The following SORBS2 variants were observed in gnomAD, a reference collection of about 807,000 sequenced individuals.
The protein encoded by SORBS2 is sorbin and SH3 domain containing 2.
SORBS2 carries 46 observed loss-of-function variants against 97.7 expected under a neutral mutation model. The ratio of observed to expected loss-of-function variants is 0.47; its 90% confidence interval spans 0.37 to 0.60. The LOEUF is 0.60. Among genes scored for constraint, SORBS2 ranks in the 20% least tolerant of loss-of-function variants. SORBS2 has a pLI of 0.00. For synonymous variants in SORBS2, 476 were observed against 473.4 expected (o/e 1.01, Z -0.07); for missense variants, 1,316 against 1,282.3 (o/e 1.03, Z -0.40).
At chr4:185,637,102 A>G (rs990645819) in intron 4 of SORBS2, among the ~76,000 whole-genome samples, 6 of 152,166 alleles carry the variant, frequency 3.9e-5, no homozygotes, top group Admixed American at 1.3e-4. Flanking sequence ...TTCTTTCCTT[A>G]TATCCCTAAT....
rs779299707 is a variant in SORBS2 at position 185,624,594 on chromosome 4, C to T, written c.635-100G>A. On this transcript the variant is annotated intron_variant, in intron 6 of 14. Coordinates refer to ENST00000418609, the Ensembl canonical transcript of SORBS2. The stretch of plus-strand genomic sequence containing the variant: ...GTCAGTAAAGCATCAGACAGCATAG[C>T]AAGGAGAAAGCAGTTAGTGTGTTTT... 411 of 1,292,588 alleles carry T rather than the reference C, an allele frequency of 3.2e-4. 1 individual carries two copies. Among genetic ancestry groups the T allele is most frequent in the Middle Eastern group, 8.1e-4 (3 of 3,690 alleles). 80.1% of individuals were successfully genotyped at this position (1,292,588 alleles called of 1,614,324 possible).
At chr4:185,780,000 G>A (rs2099019450) in intron 1 of SORBS2, among the ~76,000 whole-genome samples, 1 of 146,178 alleles carries the variant, frequency 6.8e-6, no homozygotes, top group Non-Finnish European at 1.5e-5. Flanking sequence ...AGACTAAGTA[G>A]AGTAACATTT....
intron 1 of SORBS2, among the ~76,000 whole-genome samples, chr4:185,800,774 A>C (rs1258969185): frequency 1.3e-5 from 2 of 151,996 alleles, no homozygotes; most frequent in African/African-American, 4.8e-5. Flanking sequence ...TTCTCCCTAG[A>C]TGTATTGAGG....
At chr4:185,882,899 A>G (rs1257079130) in intron 1 of SORBS2, among the ~76,000 whole-genome samples, 1 of 152,202 alleles carries the variant, frequency 6.6e-6, no homozygotes, top group Admixed American at 6.5e-5. Context: ...TTATACACAA[A>G]TGAACTCAAG....
intron 4 of SORBS2, among the ~76,000 whole-genome samples, chr4:185,672,634 C>A (rs185566890): frequency 0.013 from 1,947 of 152,268 alleles, 17 homozygotes; most frequent in Non-Finnish European, 0.02. Flanking sequence ...CTAACAGTGA[C>A]CTGTAGTTTT....
At chr4:185,773,059 A>G (rs1560937074) in intron 2 of SORBS2, 1 of 151,342 alleles carries the variant, frequency 6.6e-6, no homozygotes, top group Non-Finnish European at 1.5e-5. Context: ...AGAAAGAAAA[A>G]AAAAACAAAA....
intron 1 of SORBS2, among the ~76,000 whole-genome samples, chr4:185,954,148 C>T (rs2099278508): frequency 6.6e-6 from 1 of 152,146 alleles, no homozygotes; most frequent in Admixed American, 6.5e-5. Flanking sequence ...AGATACCCTC[C>T]TTCTGTATTC....
intron 1 of SORBS2, among the ~76,000 whole-genome samples, chr4:185,950,415 A>G (rs1305331572): frequency 6.6e-6 from 1 of 152,228 alleles, no homozygotes; most frequent in East Asian, 1.9e-4. Context: ...GCTGTAGTCT[A>G]GGGAGAAGAT....
chr4:185,633,803 T>C (rs1287404380), intron 4 of SORBS2, among the ~76,000 whole-genome samples: 1 of 151,692 alleles, frequency 6.6e-6, no homozygotes, highest in Non-Finnish European at 1.5e-5. Context: ...TTTTTTTAAC[T>C]GAAAAATGAG....
intron 2 of SORBS2, among the ~76,000 whole-genome samples, chr4:185,759,071 TCAGAA>T (rs1411637305): frequency 1.3e-5 from 2 of 152,200 alleles, no homozygotes; most frequent in African/African-American, 4.8e-5. Context: ...TCTCAAGCGC[TCAGAA>T]CAGTCCTTTG....
intron 4 of SORBS2, chr4:185,645,717 A>G (rs1196191125): frequency 6.6e-6 from 1 of 152,226 alleles, no homozygotes; most frequent in Admixed American, 6.5e-5. Context: ...ACTGACACCT[A>G]AAATTCTTTT....
intron 1 of SORBS2, among the ~76,000 whole-genome samples, chr4:185,915,014 T>C (rs898875516): frequency 1.3e-5 from 2 of 152,216 alleles, no homozygotes; most frequent in African/African-American, 2.4e-5. Context: ...GAAGATAGAC[T>C]GTGTAATGAA....
intron 1 of SORBS2, among the ~76,000 whole-genome samples, chr4:185,849,712 A>G (rs1236342592): frequency 6.6e-6 from 1 of 152,220 alleles, no homozygotes; most frequent in Non-Finnish European, 1.5e-5. Flanking sequence ...TATAAAATAG[A>G]AAATCAGCTG....
At chr4:185,702,749 C>G (rs914593617) in intron 2 of SORBS2, among the ~76,000 whole-genome samples, 3 of 151,696 alleles carry the variant, frequency 2.0e-5, no homozygotes, top group African/African-American at 7.3e-5. Flanking sequence ...CTTCGATGAG[C>G]CTGAGTTTTA....
intron 12 of SORBS2, among the ~76,000 whole-genome samples, chr4:185,609,578 A>G (rs2096498291): frequency 6.6e-6 from 1 of 152,250 alleles, no homozygotes; most frequent in South Asian, 2.1e-4. Flanking sequence ...CTATACCTAT[A>G]ATACAAAACC....
chr4:185,655,305 A>C (rs1042124630), intron 1 of SORBS2, among the ~76,000 whole-genome samples: 1 of 152,224 alleles, frequency 6.6e-6, no homozygotes, highest in Non-Finnish European at 1.5e-5. Context: ...AGCATGGTAC[A>C]TTGTGACAGT....
chr4:185,947,663 G>A (rs937706033), intron 1 of SORBS2, among the ~76,000 whole-genome samples: 2 of 152,098 alleles, frequency 1.3e-5, no homozygotes, highest in South Asian at 2.1e-4. Flanking sequence ...CCAGGCTGGA[G>A]TGCAATGGTG....
chr4:185,625,089 C>T (rs2096788294), intron 6 of SORBS2, among the ~76,000 whole-genome samples: 1 of 152,176 alleles, frequency 6.6e-6, no homozygotes, highest in Non-Finnish European at 1.5e-5. Context: ...ATGCTGTGAA[C>T]TATTGCTGCT....
chr4:185,870,372 C>G (rs2099229725), intron 1 of SORBS2, among the ~76,000 whole-genome samples: 2 of 152,232 alleles, frequency 1.3e-5, no homozygotes, highest in South Asian at 2.1e-4. Context: ...AGCCCTGCAT[C>G]TCTTCTTTTC....
Sources: allele counts gnomAD v4.1 joint callset (sites outside exome capture counted in the v4.1 genomes callset), GRCh38; gene constraint gnomAD v4.1.1; transcripts MANE v1.5; gene names NCBI Gene and HGNC (gene_info 2026-07-23, HGNC 2026-07-21).